CD84: variants seen among roughly 807,000 people sequenced by gnomAD.
The protein encoded by CD84 is SLAM family member 5.
Under a neutral mutation model 33.8 loss-of-function variants are expected in CD84, and 22 were observed. That is an observed-to-expected ratio of 0.65 (90% CI 0.46 to 0.93). The LOEUF is 0.93. CD84 is among the 40% of genes least tolerant of loss of function. The pLI is 0.00. For missense variants in CD84, 400 were observed against 397.6 expected (o/e 1.01, Z -0.05); for synonymous variants, 154 against 145.2 (o/e 1.06, Z -0.44).
intron 1 of CD84, among the ~76,000 whole-genome samples, chr1:160,570,328 G>A (rs990818052): frequency 7.9e-5 from 12 of 152,290 alleles, no homozygotes; most frequent in African/African-American, 2.4e-4. Context: ...TGGAAGATAA[G>A]GAGAGAGAAT....
At chr1:160,573,934 T>C (rs1008175842) in intron 1 of CD84, among the ~76,000 whole-genome samples, 2 of 149,692 alleles carry the variant, frequency 1.3e-5, no homozygotes, top group Non-Finnish European at 3.0e-5. Flanking sequence ...AAAAAGAAAA[T>C]AAAAAAAAAT....
Position 160,545,842 on chromosome 1 carries a change from G to A in CD84, c.*2414C>T, listed in dbSNP as rs1292452246. ...AGATGGGGTTTTGCCATGCTGGCCAGGATCCTCTCAAATTCCTGACCTCAA... is the reference window on the plus strand; with the variant it reads ...AGATGGGGTTTTGCCATGCTGGCCAAGATCCTCTCAAATTCCTGACCTCAA... On this transcript the variant is annotated 3_prime_UTR_variant, in exon 7 of 7. Coordinates refer to ENST00000368054, the MANE Select transcript of CD84 (RefSeq NM_003874.4). 6.6e-6 allele frequency: 1 copy of A among 152,278 alleles called. No homozygotes were observed. The highest frequency in any genetic ancestry group is 1.5e-5 in the Non-Finnish European group (1 of 68,194). The allele number at this position is 152,278 out of a possible 1,614,324, so 9.4% of individuals were successfully genotyped here.
chr1:160,548,196 G>A lies in CD84; in HGVS notation c.*60C>T. On this transcript the variant is annotated 3_prime_UTR_variant, in exon 7 of 7. Transcript: ENST00000368054. ...TGGGCAGAGAAGATCTGGATCCAGGGAACCTGCCAGTATTGGTGGTTGTAA... is the reference window on the plus strand; with the variant it reads ...TGGGCAGAGAAGATCTGGATCCAGGAAACCTGCCAGTATTGGTGGTTGTAA... The A allele has an allele frequency of 6.4e-7, 1 of 1,561,538 alleles. No individual in the cohort carries two copies. Among genetic ancestry groups the A allele is most frequent in the Non-Finnish European group, 8.8e-7 (1 of 1,132,800 alleles).
At chr1:160,570,259 G>A (rs1250832905) in intron 1 of CD84, among the ~76,000 whole-genome samples, 1 of 152,222 alleles carries the variant, frequency 6.6e-6, no homozygotes, top group African/African-American at 2.4e-5. Flanking sequence ...AGAAAGTTTA[G>A]TGTTAGAAAT....
chr1:160,556,256 C>T lies in CD84; in HGVS notation c.389-2110G>A, dbSNP rs189271266. Among the ~76,000 whole-genome samples, 413 of 152,288 alleles carry T rather than the reference C, an allele frequency of 2.7e-3. 2 individuals carry two copies. The highest frequency in any genetic ancestry group is 4.6e-3 in the Non-Finnish European group (314 of 68,024). On this transcript the variant is annotated intron_variant, in intron 2 of 6. Transcript: ENST00000368054. ...AGAGTCATGGCCGACAGATCTTCATCCTCCCAAGCCAAGATTGTGGAAGCC... is the reference window on the plus strand; with the variant it reads ...AGAGTCATGGCCGACAGATCTTCATTCTCCCAAGCCAAGATTGTGGAAGCC...
At position 160,542,710 on chromosome 1, in the gene CD84, T is replaced by C. The variant is rs985553177; in HGVS notation, c.*5546A>G. 2 of 152,236 alleles carry C rather than the reference T, an allele frequency of 1.3e-5. No individual in the cohort carries two copies. The highest frequency in any genetic ancestry group is 2.9e-5 in the Non-Finnish European group (2 of 68,032). 9.4% of individuals were successfully genotyped at this position (152,236 alleles called of 1,614,324 possible). ...TGGGCAATCAGCCAGCAACAGTTAA[T>C]AATTATCATCCATTCCTTTATGAAT... is the stretch of plus-strand genomic sequence containing the variant. On this transcript the variant is annotated 3_prime_UTR_variant, in exon 7 of 7. Coordinates refer to ENST00000368054, the MANE Select transcript of CD84 (RefSeq NM_003874.4).
chr1:160,573,707 T>C (rs1225076499), intron 1 of CD84, among the ~76,000 whole-genome samples: 1 of 152,164 alleles, frequency 6.6e-6, no homozygotes, highest in Non-Finnish European at 1.5e-5. Context: ...TTCTCTTCAC[T>C]GCAGTTATCA....
At chr1:160,550,679 TA>T in intron 5 of CD84, 2 of 985,398 alleles carry the variant, frequency 2.0e-6, no homozygotes, top group South Asian at 9.4e-5. Context: ...ATGGCTCATC[TA>T]ACCTGGAGCC....
rs1317233048 is a variant in CD84 at position 160,542,947 on chromosome 1, A to G, written c.*5309T>C. 2 of 152,166 alleles carry G rather than the reference A, an allele frequency of 1.3e-5. No homozygotes were observed. Among genetic ancestry groups the G allele is most frequent in the Non-Finnish European group, 2.9e-5 (2 of 68,036 alleles). The allele number at this position is 152,166 out of a possible 1,614,324, so 9.4% of individuals were successfully genotyped here. On this transcript the variant is annotated 3_prime_UTR_variant, in exon 7 of 7. Coordinates refer to ENST00000368054, the MANE Select transcript of CD84 (RefSeq NM_003874.4). ...TTTAACCACTAAATTGTTCAGCACA[A>G]TTCCCCAAATTCTTATCTCTTCTTT...
rs1386332860 is a variant in CD84 at position 160,547,440 on chromosome 1, G to A, written c.*816C>T. On this transcript the variant is annotated 3_prime_UTR_variant, in exon 7 of 7. Transcript: ENST00000368054. ...CTTGGCCAGAAAGAAAATCCTATAA[G>A]GCTTCTGAAGTAGCACTCCAAGAAA... 1 of 363,700 alleles carries A rather than the reference G, an allele frequency of 2.7e-6. No homozygotes were observed. The highest frequency in any genetic ancestry group is 4.6e-5 in the Admixed American group (1 of 21,594). 22.5% of individuals were successfully genotyped at this position (363,700 alleles called of 1,614,324 possible). A position where few individuals can be genotyped will look rare whatever the true frequency, so the allele number is the denominator to read the frequency against.
At chr1:160,575,005 T>A (rs1291395016) in intron 1 of CD84, among the ~76,000 whole-genome samples, 1 of 152,158 alleles carries the variant, frequency 6.6e-6, no homozygotes, top group Non-Finnish European at 1.5e-5. Context: ...GATGTTAAAG[T>A]CAGCAAGTAG....
intron 2 of CD84, 56 bp downstream of exon 2, chr1:160,565,348 T>G: frequency 1.5e-6 from 2 of 1,375,056 alleles, no homozygotes; most frequent in Non-Finnish European, 1.0e-6. Context: ...GTGTTTCAGA[T>G]AGCAAACTTG....
chr1:160,578,730 G>T (rs189864172), intron 1 of CD84, among the ~76,000 whole-genome samples: 22 of 152,182 alleles, frequency 1.4e-4, no homozygotes, highest in East Asian at 1.9e-4. Flanking sequence ...TATTCATGTC[G>T]TTCTTTTAGT....
In CD84 at chr1:160,543,639, A is replaced by G. The variant is rs2102104153; in HGVS notation, c.*4617T>C. 1.3e-5 allele frequency: 1 copy of G among 77,602 alleles called. No homozygotes were observed. Among genetic ancestry groups the G allele is most frequent in the Non-Finnish European group, 3.3e-5 (1 of 30,414 alleles). The allele number at this position is 77,602 out of a possible 1,614,324, so 4.8% of individuals were successfully genotyped here. ...ATTATTATTATTATTATTTAGGTAT[A>G]TCCCCTGTTCTCTCAGTCTAACTGG... On this transcript the variant is annotated 3_prime_UTR_variant, in exon 7 of 7. Coordinates refer to ENST00000368054, the MANE Select transcript of CD84 (RefSeq NM_003874.4).
rs1421699835 is a variant in CD84 at position 160,541,166 on chromosome 1, A to G, written c.*7090T>C. 3 of 152,202 alleles carry G rather than the reference A, an allele frequency of 2.0e-5. No homozygotes were observed. Among genetic ancestry groups the G allele is most frequent in the Non-Finnish European group, 4.4e-5 (3 of 68,034 alleles). 9.4% of individuals were successfully genotyped at this position (152,202 alleles called of 1,614,324 possible). On this transcript the variant is annotated 3_prime_UTR_variant, in exon 7 of 7. Transcript: ENST00000368054. ...TTGTAGTCTCATTTCTTAGGCACTT[A>G]CAAGGTAAAATTTATGAACCATACT...
intron 1 of CD84, among the ~76,000 whole-genome samples, chr1:160,572,569 T>C (rs1300417060): frequency 1.3e-5 from 2 of 149,596 alleles, no homozygotes; most frequent in Non-Finnish European, 3.0e-5. Context: ...TTGGTGAATG[T>C]AAAAATTGGG....
At chr1:160,566,590 G>A (rs1361113032) in intron 1 of CD84, among the ~76,000 whole-genome samples, 1 of 152,186 alleles carries the variant, frequency 6.6e-6, no homozygotes, top group African/African-American at 2.4e-5. Context: ...GATACGAGGA[G>A]CTGAGGATAC....
At chr1:160,563,082 C>T (rs979286110) in intron 2 of CD84, among the ~76,000 whole-genome samples, 3 of 152,068 alleles carry the variant, frequency 2.0e-5, no homozygotes, top group Non-Finnish European at 4.4e-5. Flanking sequence ...TTAATAAAGT[C>T]AAGAAACAAC....
At chr1:160,552,798 T>C (rs2102136754) in intron 4 of CD84, 4 of 1,303,180 alleles carry the variant, frequency 3.1e-6, no homozygotes, top group South Asian at 1.3e-5. Flanking sequence ...ATGTTTTTTA[T>C]TGTGATTGGT....
Sources: gnomAD v4.1 joint callset for allele counts (sites outside exome capture counted in the v4.1 genomes callset) on GRCh38, gnomAD v4.1.1 for gene constraint, MANE v1.5 for transcripts, NCBI Gene and HGNC (gene_info 2026-07-23, HGNC 2026-07-21) for gene names.